Variants in INSL6 observed in about 807,000 individuals in gnomAD.
INSL6 encodes the protein insulin-like peptide INSL6.
A neutral mutation model predicts 9.4 loss-of-function variants in INSL6; 16 were observed. That is an observed-to-expected ratio of 1.70 (90% confidence interval 1.15 to 2.59). The LOEUF (loss-of-function observed/expected upper bound fraction) is 2.59. Among genes scored for constraint, INSL6 ranks in the 30% most tolerant of loss-of-function variants. The pLI, the probability that INSL6 is intolerant of heterozygous loss-of-function variation, is 0.00. For missense variants in INSL6, 391 were observed against 257.3 expected, an observed-to-expected ratio of 1.52 and a Z score of -3.56; for synonymous variants, 154 against 96.9, an observed-to-expected ratio of 1.59 and a Z score of -3.46.
the INSL6 span, chr9:5,085,110 GGTT>G: frequency 3.1e-6 from 2 of 655,150 alleles, no homozygotes; most frequent in Non-Finnish European, 5.9e-6. Context: ...GGGCAAGGTA[GGTT>G]GTTTGTTTTA....
At chr9:5,149,127 C>A (rs1245605743) in intron 2 of INSL6, among the ~76,000 whole-genome samples, 1 of 152,156 alleles carries the variant, frequency 6.6e-6, no homozygotes, top group South Asian at 2.1e-4. Flanking sequence ...CTGGGGAGAT[C>A]CCCCTGCCAC....
chr9:5,085,650 G>C, the INSL6 span: 3 of 724,298 alleles, frequency 4.1e-6, no homozygotes, highest in Non-Finnish European at 7.7e-6. Context: ...CCCAGATCTT[G>C]TGTGTTTTCC....
the INSL6 span, chr9:5,072,451 C>T: frequency 1.4e-6 from 2 of 1,444,238 alleles, no homozygotes; most frequent in African/African-American, 1.4e-5. Context: ...CTTCGTTCTC[C>T]ATCTTTACTC....
chr9:5,180,992 C>T (rs549345041), intron 1 of INSL6, among the ~76,000 whole-genome samples: 3 of 152,244 alleles, frequency 2.0e-5, no homozygotes, highest in Admixed American at 2.0e-4. Context: ...CATTAGAGTC[C>T]TACTGATATG....
the INSL6 span, among the ~76,000 whole-genome samples, chr9:5,078,858 T>A: frequency 6.6e-6 from 1 of 152,218 alleles, no homozygotes; most frequent in East Asian, 1.9e-4. Context: ...ATCCAGCTAA[T>A]TCTGACTTTT....
chr9:5,153,296 A>C (rs1824748158), intron 2 of INSL6, among the ~76,000 whole-genome samples: 1 of 152,168 alleles, frequency 6.6e-6, no homozygotes, highest in South Asian at 2.1e-4. Flanking sequence ...CACTGGCTTG[A>C]AATTCTCGTG....
chr9:5,153,725 G>A (rs1164977160), intron 2 of INSL6, among the ~76,000 whole-genome samples: 1 of 152,132 alleles, frequency 6.6e-6, no homozygotes, highest in Non-Finnish European at 1.5e-5. Context: ...ATTCACAACT[G>A]CTACTAAGAG....
the INSL6 span, among the ~76,000 whole-genome samples, chr9:5,030,758 CTTCT>C: frequency 6.6e-6 from 1 of 151,994 alleles, no homozygotes; most frequent in Admixed American, 6.6e-5. Flanking sequence ...TATTGTTTTG[CTTCT>C]TTCTCTTCCC....
the INSL6 span, among the ~76,000 whole-genome samples, chr9:5,027,514 T>A: frequency 6.6e-6 from 1 of 152,134 alleles, no homozygotes; most frequent in Non-Finnish European, 1.5e-5. Context: ...CTGCTGAAGG[T>A]TGGGTGGCTA....
At chr9:5,112,477 AG>A in the INSL6 span, 1 of 549,494 alleles carries the variant, frequency 1.8e-6, no homozygotes, top group Non-Finnish European at 3.3e-6. Flanking sequence ...GGACCGGACC[AG>A]CCCAGACAAG....
intron 3 of INSL6, chr9:5,126,297 A>C: frequency 7.0e-7 from 1 of 1,429,936 alleles, no homozygotes; most frequent in Non-Finnish European, 9.7e-7. Flanking sequence ...CTACAAATTA[A>C]ATGTACAAAA....
the INSL6 span, among the ~76,000 whole-genome samples, chr9:5,047,777 G>T: frequency 2.0e-5 from 3 of 151,860 alleles, no homozygotes; most frequent in Non-Finnish European, 2.9e-5. Flanking sequence ...TTTAGTTTTG[G>T]TTTTGTGGAG....
the INSL6 span, chr9:5,097,670 C>G: frequency 6.6e-6 from 1 of 152,306 alleles, no homozygotes; most frequent in Non-Finnish European, 1.5e-5. Flanking sequence ...TGATCTCCCG[C>G]AATGTTCTGA....
intron 1 of INSL6, among the ~76,000 whole-genome samples, chr9:5,170,021 T>C (rs1375734373): frequency 6.6e-6 from 1 of 152,214 alleles, no homozygotes; most frequent in Non-Finnish European, 1.5e-5. Flanking sequence ...ATGGACCTGA[T>C]AGATATCTAC....
At chr9:5,099,000 C>G in the INSL6 span, 1 of 152,070 alleles carries the variant, frequency 6.6e-6, no homozygotes, top group Admixed American at 6.6e-5. Context: ...CCGGCTTAAG[C>G]TTCAATTCTT....
At chr9:5,050,856 C>A in the INSL6 span, 9 of 1,587,990 alleles carry the variant, frequency 5.7e-6, no homozygotes, top group Non-Finnish European at 7.8e-6. Context: ...CAAATCCTTA[C>A]ACATAAGTGT....
chr9:5,041,761 C>G, the INSL6 span: 2 of 489,342 alleles, frequency 4.1e-6, no homozygotes, highest in Non-Finnish European at 4.1e-6. Flanking sequence ...AGTGTCCACA[C>G]CGACCTGCCC....
the INSL6 span, among the ~76,000 whole-genome samples, chr9:5,008,322 A>G: frequency 6.6e-6 from 1 of 152,214 alleles, no homozygotes; most frequent in African/African-American, 2.4e-5. Context: ...ACTTTCTAAA[A>G]TATTCCAGCT....
the INSL6 span, chr9:5,054,706 A>G: frequency 2.5e-6 from 4 of 1,613,440 alleles, no homozygotes; most frequent in Admixed American, 5.0e-5. This position sits in a 1 kb window ranked among gnomAD's most constrained non-coding sequence, Gnocchi z 4.9. Flanking sequence ...TTGAAACTTA[A>G]GTATCTTATA....
Sources: gnomAD v4.1 joint callset for allele counts (sites outside exome capture counted in the v4.1 genomes callset) on GRCh38, gnomAD v4.1.1 for gene constraint, Gnocchi (gnomAD v3.1) non-coding constraint, MANE v1.5 for transcripts, NCBI Gene and HGNC (gene_info 2026-07-23, HGNC 2026-07-21) for gene names.